Variants in EEIG1 observed in about 807,000 individuals in gnomAD.
EEIG1 encodes the protein estrogen-induced osteoclastogenesis regulator 1, also known as early estrogen-induced gene 1 protein.
the EEIG1 span, among the ~76,000 whole-genome samples, chr9:127,979,738 T>G: frequency 2.0e-5 from 3 of 152,234 alleles, no homozygotes; most frequent in African/African-American, 7.2e-5. Context: ...GTCTGCAGAA[T>G]GGACCTACTG....
chr9:127,969,446 C>T, the EEIG1 span, among the ~76,000 whole-genome samples: 5 of 152,226 alleles, frequency 3.3e-5, no homozygotes, highest in African/African-American at 9.7e-5. Flanking sequence ...TGGATGAATA[C>T]CAATGCTGCC....
the EEIG1 span, chr9:127,945,618 G>T: frequency 1.3e-6 from 2 of 1,564,596 alleles, no homozygotes; most frequent in Non-Finnish European, 1.7e-6. The surrounding 1 kb of genome is among the most constrained non-coding windows in gnomAD (Gnocchi z 6.5). Flanking sequence ...GAAGGAGGAG[G>T]CCACGGGGGC....
the EEIG1 span, among the ~76,000 whole-genome samples, chr9:127,972,250 C>G: frequency 0.034 from 5,136 of 152,210 alleles, 323 homozygotes; most frequent in East Asian, 0.28. The surrounding 1 kb of genome is among the most constrained non-coding windows in gnomAD (Gnocchi z 4.3). Context: ...CAAGAAAACA[C>G]GCAGACCCCA....
At chr9:127,953,683 G>C in the EEIG1 span, 16 of 1,606,316 alleles carry the variant, frequency 1.0e-5, no homozygotes, top group Admixed American at 1.5e-4. Flanking sequence ...AATCCCCCCA[G>C]ATCTGAGGGG....
the EEIG1 span, among the ~76,000 whole-genome samples, chr9:127,975,066 A>G: frequency 6.6e-6 from 1 of 152,212 alleles, no homozygotes; most frequent in African/African-American, 2.4e-5. Flanking sequence ...GGATTCAACC[A>G]GCATTCCACA....
At chr9:127,970,187 C>T in the EEIG1 span, among the ~76,000 whole-genome samples, 423 of 152,260 alleles carry the variant, frequency 2.8e-3, 3 homozygotes, top group African/African-American at 9.7e-3. Context: ...GATCTCCGCA[C>T]GCTGCAGCCT....
chr9:127,978,685 C>CA, the EEIG1 span, among the ~76,000 whole-genome samples: 1 of 151,782 alleles, frequency 6.6e-6, no homozygotes, highest in South Asian at 2.1e-4. Context: ...ACTAAAAATA[C>CA]AAAAAAATTA....
chr9:127,951,206 C>G, the EEIG1 span, among the ~76,000 whole-genome samples: 2 of 152,128 alleles, frequency 1.3e-5, no homozygotes, highest in Admixed American at 6.5e-5. Context: ...GAGATTGAGA[C>G]GAGGTGGTGC....
the EEIG1 span, chr9:127,980,306 C>T: frequency 1.5e-6 from 1 of 652,554 alleles, no homozygotes; most frequent in Non-Finnish European, 2.5e-6. Flanking sequence ...GAGAGATCCA[C>T]CAGTCCAGTT....
chr9:127,962,330 T>C, the EEIG1 span, among the ~76,000 whole-genome samples: 1 of 152,196 alleles, frequency 6.6e-6, no homozygotes, highest in Non-Finnish European at 1.5e-5. Flanking sequence ...AGGATGAAGA[T>C]GGGCATGGTG....
At chr9:127,949,152 A>G in the EEIG1 span, among the ~76,000 whole-genome samples, 3 of 151,962 alleles carry the variant, frequency 2.0e-5, no homozygotes, top group Admixed American at 1.3e-4. Flanking sequence ...CATCTCTACT[A>G]AAAATACAAA....
chr9:127,953,802 C>T, the EEIG1 span: 5 of 1,614,026 alleles, frequency 3.1e-6, no homozygotes, highest in African/African-American at 1.3e-5. Flanking sequence ...CCCTTGGCCT[C>T]ACCTTGCGCA....
At chr9:127,979,439 C>T in the EEIG1 span, among the ~76,000 whole-genome samples, 1 of 152,238 alleles carries the variant, frequency 6.6e-6, no homozygotes, top group African/African-American at 2.4e-5. Flanking sequence ...GCAGCAGCCT[C>T]CTCGACAAGG....
chr9:127,958,092 T>G, the EEIG1 span, among the ~76,000 whole-genome samples: 2 of 150,444 alleles, frequency 1.3e-5, no homozygotes, highest in African/African-American at 5.0e-5. Context: ...GGAAAAAGAA[T>G]AGTCTTTTCA....
chr9:127,950,671 G>A, the EEIG1 span: 3 of 1,453,686 alleles, frequency 2.1e-6, no homozygotes, highest in East Asian at 2.5e-5. Flanking sequence ...CCACAGCCTC[G>A]ACTGACTGTT....
the EEIG1 span, chr9:127,953,334 G>C: frequency 7.1e-6 from 4 of 560,718 alleles, no homozygotes; most frequent in Admixed American, 1.3e-4. Flanking sequence ...AGAGAGGAAA[G>C]GGGACAGAAA....
At chr9:127,956,806 C>G in the EEIG1 span, among the ~76,000 whole-genome samples, 1 of 152,178 alleles carries the variant, frequency 6.6e-6, no homozygotes, top group Non-Finnish European at 1.5e-5. Context: ...CCTCCACCTG[C>G]TGGGTTCAAG....
At chr9:127,945,396 C>A in the EEIG1 span, 2 of 1,586,484 alleles carry the variant, frequency 1.3e-6, no homozygotes, top group Non-Finnish European at 1.7e-6. The surrounding 1 kb of genome is among the most constrained non-coding windows in gnomAD (Gnocchi z 6.5). Flanking sequence ...GATGCAGGGG[C>A]CGGGGTGGCC....
the EEIG1 span, chr9:127,945,349 C>G: frequency 6.4e-7 from 1 of 1,562,206 alleles, no homozygotes; most frequent in Non-Finnish European, 8.7e-7. This position sits in a 1 kb window ranked among gnomAD's most constrained non-coding sequence, Gnocchi z 6.5. Flanking sequence ...CCAGGGGGCA[C>G]CAAGCAGTAG....
Sources: gnomAD v4.1 joint callset for allele counts (sites outside exome capture counted in the v4.1 genomes callset) on GRCh38, gnomAD v4.1.1 for gene constraint, Gnocchi (gnomAD v3.1) non-coding constraint, MANE v1.5 for transcripts, NCBI Gene and HGNC (gene_info 2026-07-23, HGNC 2026-07-21) for gene names.